The following SHANK1 variants were observed in gnomAD, a reference collection of about 807,000 sequenced individuals.
SHANK1 encodes SH3 and multiple ankyrin repeat domains 1, also known as SH3 and multiple ankyrin repeat domains protein 1.
In SHANK1, 35 loss-of-function variants were observed where a neutral mutation model predicts 165.6. The observed-to-expected ratio is 0.21, with a 90% confidence interval of 0.16 to 0.28. The LOEUF (loss-of-function observed/expected upper bound fraction) is 0.28. SHANK1 is among the 10% of genes least tolerant of loss of function. The pLI is 1.00. For synonymous variants in SHANK1, 1,428 were observed against 1,384.8 expected, an observed-to-expected ratio of 1.03 and a Z score of -0.69; for missense variants, 2,681 against 3,036.4, an observed-to-expected ratio of 0.88 and a Z score of 2.75.
chr19:50,687,610 T>C lies in SHANK1; in HGVS notation c.2361A>G (p.Lys787=), dbSNP rs1986396197. The change falls in exon 19 of 24, where the codon AAA becomes AAG. Residue 787 remains lysine, a synonymous_variant. Transcript: ENST00000293441. ...TCTCCTCCAGCTCTGAGGTCATAGA[T>C]TTGGAACGCAGGGAGATGGTTGGGG... ...LPPPTISLRS[K]SMTSELEEME... 6.5e-7 allele frequency: 1 copy of C among 1,543,302 alleles called. No homozygotes were observed. The highest frequency in any genetic ancestry group is 1.2e-5 in the South Asian group (1 of 82,770).
chr19:50,683,228 C>T (rs1301157655), intron 21 of SHANK1, among the ~76,000 whole-genome samples: 2 of 152,184 alleles, frequency 1.3e-5, no homozygotes, highest in East Asian at 3.8e-4. Context: ...TTGCTGCTGG[C>T]ATCCGGATGG....
Position 50,667,993 on chromosome 19 carries a change from C to A in SHANK1, c.3967G>T (p.Gly1323Cys), listed in dbSNP as rs1467294612. 1 of 1,463,118 alleles carries A rather than the reference C, an allele frequency of 6.8e-7. No individual in the cohort carries two copies. The highest frequency in any genetic ancestry group is 9.0e-7 in the Non-Finnish European group (1 of 1,112,856). The allele number at this position is 1,463,118 out of a possible 1,614,324, so 90.6% of individuals were successfully genotyped here. A position where few individuals can be genotyped will look rare whatever the true frequency, so the allele number is the denominator to read the frequency against. ...YGAGSRAYGG[G>C]GGSSAFTSFL... ...CTGGTGAAGGCGCTGCTGCCCCCGCCACCCCCGTAGGCTCGGCTACCGGCC... is the reference window on the plus strand; with the variant it reads ...CTGGTGAAGGCGCTGCTGCCCCCGCAACCCCCGTAGGCTCGGCTACCGGCC... Residue 1323 changes from glycine (G) to cysteine (C), a missense_variant, in exon 23 of 24, where the codon GGC becomes TGC. Physicochemically the swap from Gly to Cys is radical, Grantham distance 159. Transcript: ENST00000293441. This position sits in a 1 kb window ranked among gnomAD's most constrained non-coding sequence, Gnocchi z 5.7.
At chr19:50,674,838 G>C (rs1166009290) in intron 21 of SHANK1, among the ~76,000 whole-genome samples, 1 of 152,148 alleles carries the variant, frequency 6.6e-6, no homozygotes. Flanking sequence ...AAGGTGGGCA[G>C]ATCACCTGAG....
chr19:50,680,900 C>T lies in SHANK1; in HGVS notation c.2577+5337G>A, dbSNP rs549179032. Among the ~76,000 whole-genome samples, 3 of 152,298 alleles carry T rather than the reference C, an allele frequency of 2.0e-5. No individual in the cohort carries two copies. The East Asian group carries it at 5.8e-4, about 29-fold the overall frequency. On this transcript the variant is annotated intron_variant, in intron 21 of 23. Coordinates refer to ENST00000293441, the MANE Select transcript of SHANK1 (RefSeq NM_016148.5). ...CAAACTCCTGACCTCAGGTGATCCACCCGCCTTGGCCTCCCAAAGTGCTGG... is the reference window on the plus strand; with the variant it reads ...CAAACTCCTGACCTCAGGTGATCCATCCGCCTTGGCCTCCCAAAGTGCTGG...
intron 21 of SHANK1, among the ~76,000 whole-genome samples, chr19:50,682,915 T>A (rs941863557): frequency 2.6e-5 from 4 of 152,186 alleles, no homozygotes; most frequent in African/African-American, 9.7e-5. Flanking sequence ...AGCCTCAACC[T>A]CGGAGGCTCA....
rs1187260760 is a variant in SHANK1, at chr19:50,662,222, A to G, written c.6229T>C (p.Ser2077Pro). The G allele has an allele frequency of 6.2e-7, 1 of 1,609,736 alleles. No homozygotes were observed. Among genetic ancestry groups the G allele is most frequent in the Non-Finnish European group, 8.5e-7 (1 of 1,177,232 alleles). Residue 2077 changes from serine (S) to proline (P), a missense_variant, in exon 24 of 24, where the codon TCA (serine) becomes CCA (proline). Ser to Pro is a moderately conservative substitution (Grantham distance 74, BLOSUM62 -1). Transcript: ENST00000293441. This position sits in a 1 kb window ranked among gnomAD's most constrained non-coding sequence, Gnocchi z 7.7. ...GGCAGCGAGAGCAGGCGGGTCGGTG[A>G]GAGGGAGCGCGAGGCCCCTGACAAG... Reference protein sequence around the residue: ...GALSGASRSLSPTRLLSLPPD... With the variant: ...GALSGASRSLPPTRLLSLPPD...
chr19:50,697,476 T>G lies in SHANK1; in HGVS notation c.1937+113A>C, dbSNP rs1324022790. On this transcript the variant is annotated intron_variant, in intron 14 of 23. Coordinates refer to ENST00000293441, the MANE Select transcript of SHANK1 (RefSeq NM_016148.5). The surrounding 1 kb of genome is among the most constrained non-coding windows in gnomAD (Gnocchi z 4.7). ...GCTTATCCCACCCCTGGATCAAACT[T>G]GAGAAGGAACAGATTAGAAAGGGGG... The G allele has an allele frequency of 5.3e-6, 5 of 944,158 alleles. No individual in the cohort carries two copies. Among genetic ancestry groups the G allele is most frequent in the Non-Finnish European group, 5.2e-6 (3 of 579,094 alleles). 58.5% of individuals were successfully genotyped at this position (944,158 alleles called of 1,614,324 possible). A position where few individuals can be genotyped will look rare whatever the true frequency, so the allele number is the denominator to read the frequency against.
chr19:50,663,930 C>T (rs377051805), intron 23 of SHANK1, among the ~76,000 whole-genome samples: 2,161 of 75,472 alleles, frequency 0.029, 63 homozygotes, highest in African/African-American at 0.12. Flanking sequence ...TTCTTTCTCT[C>T]TCTCTCTCTC....
chr19:50,686,632 C>A lies in SHANK1; in HGVS notation c.2458+112G>T. On this transcript the variant is annotated intron_variant, in intron 20 of 23. Coordinates refer to ENST00000293441, the MANE Select transcript of SHANK1 (RefSeq NM_016148.5). This position sits in a 1 kb window ranked among gnomAD's most constrained non-coding sequence, Gnocchi z 5.7. ...GAGGGAGGGGAGGTGGGATCGCAGCCTCTCTGGGGCAGGAAGGTGAGGGGC... is the reference window on the plus strand; with the variant it reads ...GAGGGAGGGGAGGTGGGATCGCAGCATCTCTGGGGCAGGAAGGTGAGGGGC... The A allele has an allele frequency of 9.7e-7, 1 of 1,033,218 alleles. No homozygotes were observed. The highest frequency in any genetic ancestry group is 1.4e-6 in the Non-Finnish European group (1 of 698,226). The allele number at this position is 1,033,218 out of a possible 1,614,324, so 64.0% of individuals were successfully genotyped here.
Position 50,702,793 on chromosome 19 carries a change from C to G in SHANK1, c.1554-133G>C. 1.6e-6 allele frequency: 1 copy of G among 637,324 alleles called. No homozygotes were observed. The highest frequency in any genetic ancestry group is 2.8e-5 in the East Asian group (1 of 36,076). 39.5% of individuals were successfully genotyped at this position (637,324 alleles called of 1,614,324 possible). On this transcript the variant is annotated intron_variant, in intron 11 of 23. Coordinates refer to ENST00000293441, the MANE Select transcript of SHANK1 (RefSeq NM_016148.5). The surrounding 1 kb of genome is among the most constrained non-coding windows in gnomAD (Gnocchi z 5.3). ...GGGGGTTTCCCAGCACTGGCGTCCT[C>G]CAAGGAAGAGGGCATTTGGGGGCTC... is the stretch of plus-strand genomic sequence containing the variant.
At chr19:50,673,158 CCCCATGGGTT>C (rs1293374772) in intron 21 of SHANK1, among the ~76,000 whole-genome samples, 2 of 152,110 alleles carry the variant, frequency 1.3e-5, no homozygotes, top group Non-Finnish European at 2.9e-5. Context: ...CCCAGCCTGA[CCCCATGGGTT>C]CCCACTCCAG....
chr19:50,707,804 CATGT>C (rs1463119134), intron 8 of SHANK1, among the ~76,000 whole-genome samples: 1 of 152,000 alleles, frequency 6.6e-6, no homozygotes, highest in Non-Finnish European at 1.5e-5. Context: ...TGTGTGTGTG[CATGT>C]GAGTCTGTGT....
chr19:50,699,519 A>T (rs1199614638), intron 12 of SHANK1, among the ~76,000 whole-genome samples: 1 of 152,188 alleles, frequency 6.6e-6, no homozygotes, highest in African/African-American at 2.4e-5. Context: ...GACCTGAAGG[A>T]TCCTAGGAGC....
At position 50,686,644 on chromosome 19, in the gene SHANK1, G is replaced by T; in HGVS notation, c.2458+100C>A. On this transcript the variant is annotated intron_variant, in intron 20 of 23. Coordinates refer to ENST00000293441, the MANE Select transcript of SHANK1 (RefSeq NM_016148.5). This position sits in a 1 kb window ranked among gnomAD's most constrained non-coding sequence, Gnocchi z 5.7. ...GTGGGATCGCAGCCTCTCTGGGGCAGGAAGGTGAGGGGCGCCGTGGGGTTC... is the reference window on the plus strand; with the variant it reads ...GTGGGATCGCAGCCTCTCTGGGGCATGAAGGTGAGGGGCGCCGTGGGGTTC... 8.6e-7 allele frequency: 1 copy of T among 1,156,864 alleles called. No homozygotes were observed. Among genetic ancestry groups the T allele is most frequent in the Non-Finnish European group, 1.3e-6 (1 of 795,576 alleles). The allele number at this position is 1,156,864 out of a possible 1,614,324, so 71.7% of individuals were successfully genotyped here. A position where few individuals can be genotyped will look rare whatever the true frequency, so the allele number is the denominator to read the frequency against.
chr19:50,702,624 GC>G lies in SHANK1; in HGVS notation c.1589del (p.Gly530AlafsTer33). 1.3e-6 allele frequency: 2 copies of G among 1,585,122 alleles called. No homozygotes were observed. Among genetic ancestry groups the G allele is most frequent in the Non-Finnish European group, 1.7e-6 (2 of 1,166,614 alleles). On this transcript the variant is annotated frameshift_variant, in exon 12 of 24. Coordinates refer to ENST00000293441, the MANE Select transcript of SHANK1 (RefSeq NM_016148.5). LOFTEE classifies it high-confidence loss of function. This position sits in a 1 kb window ranked among gnomAD's most constrained non-coding sequence, Gnocchi z 5.3. Reference protein sequence around the residue: ...SGTPREGPAGGTGGSGGPGGS... With the variant: ...SGTPREGPAGXTGGSGGPGGS... ...CCCCGGGGCCCCCTGAGCCCCCCGT[GC>G]CCCCGGCTGGCCCTTCCCGGGGTGT...
Position 50,697,033 on chromosome 19 carries a change from G to T in SHANK1, c.1964+63C>A. 7.7e-7 allele frequency: 1 copy of T among 1,302,716 alleles called. No individual in the cohort carries two copies. Among genetic ancestry groups the T allele is most frequent in the Non-Finnish European group, 1.1e-6 (1 of 896,628 alleles). The allele number at this position is 1,302,716 out of a possible 1,614,324, so 80.7% of individuals were successfully genotyped here. On this transcript the variant is annotated intron_variant, in intron 15 of 23. Coordinates refer to ENST00000293441, the MANE Select transcript of SHANK1 (RefSeq NM_016148.5). This position sits in a 1 kb window ranked among gnomAD's most constrained non-coding sequence, Gnocchi z 4.7. ...TCTGGTCGTGCACACACGTTCACAC[G>T]CCCCCCAGGCACCCCGTCCTTCCCC...
Position 50,717,789 on chromosome 19 carries a change from C to A in SHANK1, c.-43-827G>T, listed in dbSNP as rs1334281150. Among the ~76,000 whole-genome samples, 1 of 151,676 alleles carries A rather than the reference C, an allele frequency of 6.6e-6. No homozygotes were observed. The highest frequency in any genetic ancestry group is 2.4e-5 in the African/African-American group (1 of 41,224). On this transcript the variant is annotated intron_variant, in intron 1 of 23. Transcript: ENST00000293441. The surrounding 1 kb of genome is among the most constrained non-coding windows in gnomAD (Gnocchi z 5.5). Reference sequence around the variant, plus strand: ...GACCTGTAGCTCTTTTCTAGGACTGCAGGGTGGGTGGGCTGGCTTGCTGGG... The same window carrying A: ...GACCTGTAGCTCTTTTCTAGGACTGAAGGGTGGGTGGGCTGGCTTGCTGGG...
intron 21 of SHANK1, among the ~76,000 whole-genome samples, chr19:50,672,576 A>G (rs1039771936): frequency 1.7e-4 from 26 of 151,146 alleles, no homozygotes; most frequent in East Asian, 3.9e-4. Flanking sequence ...AAAAAAAAAA[A>G]AAAAGAAAAG....
At chr19:50,708,454 C>T (rs955105671) in intron 8 of SHANK1, among the ~76,000 whole-genome samples, 4 of 152,184 alleles carry the variant, frequency 2.6e-5, no homozygotes, top group South Asian at 2.1e-4. Context: ...TTTGCTTACA[C>T]GTCTGCCTCC....
Sources: gnomAD v4.1 joint callset for allele counts (sites outside exome capture counted in the v4.1 genomes callset) on GRCh38, gnomAD v4.1.1 for gene constraint, Gnocchi (gnomAD v3.1) non-coding constraint, MANE v1.5 for transcripts, NCBI Gene and HGNC (gene_info 2026-07-23, HGNC 2026-07-21) for gene names.